The following NRXN1 variants were observed in gnomAD, a reference collection of about 807,000 sequenced individuals.
NRXN1 encodes the protein neurexin-1.
Under a neutral mutation model 150.9 loss-of-function variants are expected in NRXN1, and 39 were observed. The ratio of observed to expected loss-of-function variants is 0.26; its 90% CI spans 0.20 to 0.34. The LOEUF is 0.34. Among genes scored for constraint, NRXN1 ranks in the 10% least tolerant of loss-of-function variants. The probability of loss-of-function intolerance (pLI) is 1.00; values close to 1 mark genes in which losing one functional copy is unlikely to be tolerated. For missense variants in NRXN1, 1,815 were observed against 1,949.9 expected (o/e 0.93, Z 1.30); for synonymous variants, 924 against 757.0 (o/e 1.22, Z -3.62).
At chr2:50,819,451 A>C (rs1669398410) in intron 5 of NRXN1, among the ~76,000 whole-genome samples, 1 of 152,166 alleles carries the variant, frequency 6.6e-6, no homozygotes, top group South Asian at 2.1e-4. Flanking sequence ...GCATGATTCC[A>C]CTTCTATGAG....
chr2:50,218,726 G>T (rs536060251), intron 18 of NRXN1, among the ~76,000 whole-genome samples: 1 of 151,936 alleles, frequency 6.6e-6, no homozygotes, highest in South Asian at 2.1e-4. Flanking sequence ...TTAGGGGTTG[G>T]AATACAAGTG....
At chr2:50,851,180 T>A (rs1209991840) in intron 5 of NRXN1, among the ~76,000 whole-genome samples, 2 of 152,126 alleles carry the variant, frequency 1.3e-5, no homozygotes, top group Non-Finnish European at 2.9e-5. Flanking sequence ...GTACACATTG[T>A]TTCCTGCCTT....
intron 5 of NRXN1, among the ~76,000 whole-genome samples, chr2:50,784,760 G>T (rs1704844308): frequency 6.6e-6 from 1 of 152,040 alleles, no homozygotes. Context: ...GGGAGCTAAT[G>T]AAAGAGACAG....
intron 17 of NRXN1, among the ~76,000 whole-genome samples, chr2:50,300,356 T>C (rs904679357): frequency 6.6e-6 from 1 of 152,204 alleles, no homozygotes; most frequent in Non-Finnish European, 1.5e-5. Context: ...TAATTTTCTC[T>C]TATGTACTCA....
chr2:50,641,433 G>C (rs1220066535), intron 5 of NRXN1, among the ~76,000 whole-genome samples: 2 of 152,050 alleles, frequency 1.3e-5, no homozygotes, highest in Non-Finnish European at 2.9e-5. Context: ...CAATACATAG[G>C]ATTCTCTTCA....
rs956900180 is a variant in NRXN1 at position 50,280,361 on chromosome 2, A to G, written c.3365-43391T>C. 2.6e-5 allele frequency among the ~76,000 whole-genome samples: 4 copies of G among 152,206 alleles called. No individual in the cohort carries two copies. The East Asian group carries it at 7.7e-4, about 29-fold the overall frequency. On this transcript the variant is annotated intron_variant, in intron 17 of 22. Transcript: ENST00000401669. ...ATTAATTTATGAAATGATTATTAATAAGATTGTTTTAAATAAATGGGATTT... is the reference window on the plus strand; with the variant it reads ...ATTAATTTATGAAATGATTATTAATGAGATTGTTTTAAATAAATGGGATTT...
chr2:50,894,152 G>C (rs976776584), intron 5 of NRXN1, among the ~76,000 whole-genome samples: 1 of 151,804 alleles, frequency 6.6e-6, no homozygotes, highest in Non-Finnish European at 1.5e-5. Context: ...TGACGAGTTA[G>C]TGGGTGCAGC....
chr2:50,595,796 A>T (rs772053442), intron 8 of NRXN1, among the ~76,000 whole-genome samples: 8 of 152,166 alleles, frequency 5.3e-5, no homozygotes, highest in Non-Finnish European at 1.2e-4. Context: ...TGCCATTATT[A>T]TCTATGTTCC....
chr2:50,274,229 A>T (rs2070110882), intron 17 of NRXN1, among the ~76,000 whole-genome samples: 1 of 152,192 alleles, frequency 6.6e-6, no homozygotes, highest in Admixed American at 6.5e-5. Flanking sequence ...CTTCACAGGG[A>T]CATGGATGAA....
chr2:50,247,392 T>A (rs2066604484), intron 17 of NRXN1, among the ~76,000 whole-genome samples: 1 of 152,086 alleles, frequency 6.6e-6, no homozygotes, highest in Non-Finnish European at 1.5e-5. Flanking sequence ...TTTAATGATT[T>A]ATTAATACTC....
chr2:50,316,760 A>C (rs2075640865), intron 17 of NRXN1, among the ~76,000 whole-genome samples: 1 of 152,004 alleles, frequency 6.6e-6, no homozygotes, highest in African/African-American at 2.4e-5. Context: ...AAATTTGCCG[A>C]AAATATGTCT....
intron 17 of NRXN1, chr2:50,464,402 A>G (rs1033580140): frequency 2.0e-5 from 3 of 151,826 alleles, no homozygotes; most frequent in African/African-American, 7.2e-5. Flanking sequence ...GGCTGCAACA[A>G]CTCAGTTCAG....
At chr2:50,539,861 AAAG>A (rs935397509) in intron 9 of NRXN1, among the ~76,000 whole-genome samples, 3 of 152,304 alleles carry the variant, frequency 2.0e-5, no homozygotes, top group South Asian at 2.1e-4. Context: ...GTAAGGACAA[AAAG>A]AAGAAGTGGA....
chr2:49,987,338 G>C (rs1681101301), intron 21 of NRXN1, among the ~76,000 whole-genome samples: 1 of 152,060 alleles, frequency 6.6e-6, no homozygotes, highest in Non-Finnish European at 1.5e-5. Flanking sequence ...CCTTTCCCCT[G>C]TCCTAAGCCT....
chr2:50,557,782 T>C (rs1312410297), intron 8 of NRXN1, among the ~76,000 whole-genome samples: 1 of 152,204 alleles, frequency 6.6e-6, no homozygotes, highest in African/African-American at 2.4e-5. Context: ...AATTTAATTG[T>C]CATAACAAAG....
chr2:50,622,213 G>A (rs1431208597), intron 6 of NRXN1, among the ~76,000 whole-genome samples: 4 of 152,098 alleles, frequency 2.6e-5, no homozygotes, highest in Admixed American at 1.3e-4. Flanking sequence ...GAATCTTTCA[G>A]TTTTATTTGT....
chr2:50,227,175 A>AG (rs1275391715), intron 18 of NRXN1, among the ~76,000 whole-genome samples: 1 of 151,538 alleles, frequency 6.6e-6, no homozygotes, highest in Non-Finnish European at 1.5e-5. Flanking sequence ...AAAAAAAAAA[A>AG]AGGAAGTTTG....
chr2:49,977,497 C>T (rs576500891), intron 21 of NRXN1, among the ~76,000 whole-genome samples: 16 of 152,216 alleles, frequency 1.1e-4, no homozygotes, highest in East Asian at 9.7e-4. Context: ...ACCTTCTTTC[C>T]GAAAGATTAA....
chr2:50,815,588 T>C (rs1049755316), intron 5 of NRXN1, among the ~76,000 whole-genome samples: 38 of 152,162 alleles, frequency 2.5e-4, no homozygotes, highest in African/African-American at 8.9e-4. Flanking sequence ...GAAGAGGTAT[T>C]GTAAAATGAT....
Sources: gnomAD v4.1 joint callset for allele counts (sites outside exome capture counted in the v4.1 genomes callset) on GRCh38, gnomAD v4.1.1 for gene constraint, MANE v1.5 for transcripts, NCBI Gene and HGNC (gene_info 2026-07-23, HGNC 2026-07-21) for gene names.